Variants in RIT2 observed in about 807,000 individuals in gnomAD.
The protein encoded by RIT2 is GTP-binding protein Rit2.
A neutral mutation model predicts 23.7 loss-of-function variants in RIT2; 24 were observed. The observed-to-expected ratio is 1.01, with a 90% confidence interval of 0.73 to 1.43. RIT2 has a LOEUF of 1.43. Ranked by LOEUF, RIT2 falls within the 40% of genes most tolerant of loss-of-function variation. The pLI is 0.00. For synonymous variants in RIT2, 107 were observed against 91.1 expected (o/e 1.17, Z -0.99); for missense variants, 236 against 266.9 (o/e 0.88, Z 0.81).
At chr18:42,918,720 G>A (rs1283295790) in intron 4 of RIT2, among the ~76,000 whole-genome samples, 1 of 152,080 alleles carries the variant, frequency 6.6e-6, no homozygotes, top group Non-Finnish European at 1.5e-5. Flanking sequence ...TGCTTAGGAC[G>A]CTTGATATGT....
chr18:42,911,033 C>T (rs1908756454), intron 4 of RIT2, among the ~76,000 whole-genome samples: 1 of 152,038 alleles, frequency 6.6e-6, no homozygotes, highest in Non-Finnish European at 1.5e-5. Context: ...TAGACTATAT[C>T]ATGGTAATAA....
chr18:42,751,893 G>T (rs1439261558), intron 4 of RIT2, among the ~76,000 whole-genome samples: 1 of 151,788 alleles, frequency 6.6e-6, no homozygotes. Flanking sequence ...AATACCAAAA[G>T]TGAAAGCATA....
At chr18:42,936,498 A>T (rs1316810478) in intron 3 of RIT2, among the ~76,000 whole-genome samples, 3 of 152,200 alleles carry the variant, frequency 2.0e-5, no homozygotes, top group African/African-American at 7.2e-5. Context: ...AACAGGAACC[A>T]TTCTGAGTAA....
At chr18:42,903,406 C>G (rs1908528719) in intron 4 of RIT2, among the ~76,000 whole-genome samples, 1 of 151,912 alleles carries the variant, frequency 6.6e-6, no homozygotes, top group African/African-American at 2.4e-5. Flanking sequence ...TTTTAAAGAG[C>G]TGATTTCATA....
At chr18:43,003,810 A>T (rs1003172705) in intron 2 of RIT2, among the ~76,000 whole-genome samples, 19 of 133,122 alleles carry the variant, frequency 1.4e-4, no homozygotes, top group African/African-American at 4.8e-4. Context: ...ACACACACAC[A>T]TTAATATTGC....
chr18:42,789,425 A>G (rs1339912301), intron 4 of RIT2, among the ~76,000 whole-genome samples: 1 of 152,228 alleles, frequency 6.6e-6, no homozygotes, highest in Non-Finnish European at 1.5e-5. Context: ...TTTGAGCAGC[A>G]TGGTCACTTT....
intron 1 of RIT2, among the ~76,000 whole-genome samples, chr18:43,109,249 G>A (rs1283548390): frequency 6.6e-6 from 1 of 152,174 alleles, no homozygotes; most frequent in Non-Finnish European, 1.5e-5. Context: ...TTAGAAATCA[G>A]TTTTTTCTTT....
chr18:42,992,448 C>T (rs915433409), intron 2 of RIT2, among the ~76,000 whole-genome samples: 5 of 152,064 alleles, frequency 3.3e-5, no homozygotes, highest in Non-Finnish European at 7.4e-5. Context: ...CCAAATCTTC[C>T]TTCCCTCCCA....
rs531900882 is a variant in RIT2, at chr18:42,868,946, AG to A, written c.426+54625del. ...GACTGGGCTTGAATACCTTGAATTA[AG>A]GGGCTTTCACTTCTGTACTAGACAG... On this transcript the variant is annotated intron_variant, in intron 4 of 4. Transcript: ENST00000326695. 1.8e-3 allele frequency among the ~76,000 whole-genome samples: 281 copies of A among 152,332 alleles called. 1 individual carries two copies. The South Asian group carries it at 0.021, about 11-fold the overall frequency.
chr18:42,745,077 A>G (rs1912886957), intron 4 of RIT2, among the ~76,000 whole-genome samples: 1 of 152,208 alleles, frequency 6.6e-6, no homozygotes, highest in African/African-American at 2.4e-5. Flanking sequence ...TTGAATAAGT[A>G]TTAACTAAAA....
chr18:43,093,840 C>T (rs772079879), intron 1 of RIT2, among the ~76,000 whole-genome samples: 3 of 151,956 alleles, frequency 2.0e-5, no homozygotes, highest in African/African-American at 7.2e-5. Flanking sequence ...TCACCATCAC[C>T]ACACTATCTT....
intron 1 of RIT2, among the ~76,000 whole-genome samples, chr18:43,046,395 A>T (rs1262393409): frequency 6.6e-6 from 1 of 152,226 alleles, no homozygotes; most frequent in African/African-American, 2.4e-5. Context: ...ATGGTGACAC[A>T]AACACAACCA....
At chr18:43,058,181 G>A (rs566054406) in intron 1 of RIT2, among the ~76,000 whole-genome samples, 1 of 152,176 alleles carries the variant, frequency 6.6e-6, no homozygotes, top group Non-Finnish European at 1.5e-5. Context: ...TAATGTTGAT[G>A]TGTCCTTTTT....
chr18:43,006,963 A>G (rs1260894808), intron 2 of RIT2, among the ~76,000 whole-genome samples: 1 of 151,570 alleles, frequency 6.6e-6, no homozygotes, highest in African/African-American at 2.4e-5. Context: ...AATAAATAAT[A>G]GGAAAAAAAG....
At chr18:43,019,989 G>T (rs1351050949) in intron 2 of RIT2, among the ~76,000 whole-genome samples, 1 of 149,582 alleles carries the variant, frequency 6.7e-6, no homozygotes, top group African/African-American at 2.4e-5. Context: ...GGTGGTGAAA[G>T]ACCTCTACAG....
chr18:42,894,042 G>A (rs1016659286), intron 4 of RIT2, among the ~76,000 whole-genome samples: 1 of 152,150 alleles, frequency 6.6e-6, no homozygotes, highest in African/African-American at 2.4e-5. Flanking sequence ...AAGCATGATA[G>A]AGCTCTTTGT....
chr18:42,894,897 T>C (rs964238625), intron 4 of RIT2, among the ~76,000 whole-genome samples: 2 of 152,218 alleles, frequency 1.3e-5, no homozygotes, highest in Non-Finnish European at 2.9e-5. Flanking sequence ...AGTAGAGGGA[T>C]TAAATGCCTT....
At position 42,857,710 on chromosome 18, in the gene RIT2, C is replaced by T. The variant is rs1022265960; in HGVS notation, c.426+65862G>A. On this transcript the variant is annotated intron_variant, in intron 4 of 4. Coordinates refer to ENST00000326695, the MANE Select transcript of RIT2 (RefSeq NM_002930.4). ...GCTATGCCCTGGATGTTTTTGCATACATTGATATGAAGGGGATCTTTATTT... is the reference window on the plus strand; with the variant it reads ...GCTATGCCCTGGATGTTTTTGCATATATTGATATGAAGGGGATCTTTATTT... 2.0e-5 allele frequency among the ~76,000 whole-genome samples: 3 copies of T among 152,136 alleles called. No individual in the cohort carries two copies. In the South Asian group the frequency reaches 6.2e-4, roughly 31 times the overall value.
intron 1 of RIT2, among the ~76,000 whole-genome samples, chr18:43,039,265 C>T (rs912739227): frequency 6.6e-6 from 1 of 151,812 alleles, no homozygotes; most frequent in African/African-American, 2.4e-5. Context: ...TTTTCTCAGT[C>T]TTTTAAGTCT....
Sources: allele counts gnomAD v4.1 joint callset (sites outside exome capture counted in the v4.1 genomes callset), GRCh38; gene constraint gnomAD v4.1.1; transcripts MANE v1.5; gene names NCBI Gene and HGNC (gene_info 2026-07-23, HGNC 2026-07-21).